Variants in CTNNBL1 observed in about 807,000 individuals in gnomAD.
CTNNBL1 encodes the protein beta-catenin-like protein 1.
A neutral mutation model predicts 72.7 loss-of-function variants in CTNNBL1; 31 were observed. That is an observed-to-expected ratio of 0.43 (90% CI 0.32 to 0.58). CTNNBL1 has a LOEUF of 0.58. Among genes scored for constraint, CTNNBL1 ranks in the 20% least tolerant of loss-of-function variants. The pLI is 0.08. For missense variants in CTNNBL1, 534 were observed against 725.1 expected (o/e 0.74, Z 3.03); for synonymous variants, 240 against 267.3 (o/e 0.90, Z 1.00).
At chr20:37,857,846 C>T (rs1009575854) in intron 13 of CTNNBL1, among the ~76,000 whole-genome samples, 7 of 152,198 alleles carry the variant, frequency 4.6e-5, no homozygotes, top group Middle Eastern at 3.4e-3. Context: ...GGGCTAGTCA[C>T]GCAGAACAAG....
chr20:37,822,559 G>T (rs368577625), intron 11 of CTNNBL1, among the ~76,000 whole-genome samples: 2 of 152,182 alleles, frequency 1.3e-5, no homozygotes, highest in African/African-American at 4.8e-5. Flanking sequence ...GTTCAAAATG[G>T]ACTCTCTGCT....
intron 1 of CTNNBL1, among the ~76,000 whole-genome samples, chr20:37,710,363 T>A (rs550822478): frequency 6.6e-6 from 1 of 152,322 alleles, no homozygotes; most frequent in Admixed American, 6.5e-5. Context: ...TCTAAGGCCT[T>A]TTTTGCCCAT....
In CTNNBL1 at chr20:37,732,921, G is replaced by C; in HGVS notation, c.73G>C (p.Glu25Gln). 6.2e-7 allele frequency: 1 copy of C among 1,613,998 alleles called. No individual in the cohort carries two copies. The highest frequency in any genetic ancestry group is 8.5e-7 in the Non-Finnish European group (1 of 1,180,010). The change falls in exon 2 of 16, where the codon GAG becomes CAG. Residue 25 changes from glutamate (E) to glutamine (Q), a missense_variant. By Grantham distance (29) the Glu-to-Gln change is conservative. Transcript: ENST00000361383. ...TKRPRDDEEE[E>Q]QKMRRKQTGT... ...ACGTCCCCGGGATGATGAAGAGGAGGAGCAGAAGATGCGTCGGAAACAAAC... is the reference window on the plus strand; with the variant it reads ...ACGTCCCCGGGATGATGAAGAGGAGCAGCAGAAGATGCGTCGGAAACAAAC...
chr20:37,737,147 C>T (rs540370726), intron 2 of CTNNBL1, among the ~76,000 whole-genome samples: 1 of 152,258 alleles, frequency 6.6e-6, no homozygotes, highest in Admixed American at 6.5e-5. Flanking sequence ...TCGCTTGAAC[C>T]TGAGAGGCAG....
intron 7 of CTNNBL1, among the ~76,000 whole-genome samples, chr20:37,772,205 C>G (rs987186680): frequency 7.2e-5 from 11 of 152,232 alleles, no homozygotes; most frequent in African/African-American, 2.7e-4. Flanking sequence ...TCTGTACCTC[C>G]TCCCAGCTGT....
At chr20:37,855,699 A>G (rs1458403441) in intron 13 of CTNNBL1, among the ~76,000 whole-genome samples, 1 of 152,108 alleles carries the variant, frequency 6.6e-6, no homozygotes, top group Non-Finnish European at 1.5e-5. Flanking sequence ...GGCTGTTTGC[A>G]TATTCTGATT....
intron 1 of CTNNBL1, among the ~76,000 whole-genome samples, chr20:37,722,313 A>C (rs1041242238): frequency 1.3e-5 from 2 of 151,954 alleles, no homozygotes; most frequent in Non-Finnish European, 2.9e-5. Flanking sequence ...ATCTCTACTG[A>C]AAATACAAAA....
At chr20:37,828,128 C>T (rs1236495101) in intron 11 of CTNNBL1, among the ~76,000 whole-genome samples, 1 of 152,186 alleles carries the variant, frequency 6.6e-6, no homozygotes, top group Non-Finnish European at 1.5e-5. Context: ...TATGATATCA[C>T]ATTCAGCATT....
chr20:37,779,051 T>G, intron 9 of CTNNBL1, 136 bp from the exon 10 acceptor site: 22 of 794,168 alleles, frequency 2.8e-5, no homozygotes, highest in Non-Finnish European at 3.5e-5. Context: ...TGGAAACTGA[T>G]GAGAATTTTG....
chr20:37,763,732 G>T (rs1330905527), intron 5 of CTNNBL1, among the ~76,000 whole-genome samples: 1 of 152,124 alleles, frequency 6.6e-6, no homozygotes, highest in South Asian at 2.1e-4. Context: ...ATTAATGGGG[G>T]ATTATGGGAA....
At chr20:37,734,360 G>A (rs1212942879) in intron 2 of CTNNBL1, among the ~76,000 whole-genome samples, 2 of 152,218 alleles carry the variant, frequency 1.3e-5, no homozygotes. Context: ...AGCCTTGCCA[G>A]GGCTTAGACA....
At chr20:37,756,365 T>C (rs926530187) in intron 4 of CTNNBL1, 1 of 152,086 alleles carries the variant, frequency 6.6e-6, no homozygotes, top group Non-Finnish European at 1.5e-5. Flanking sequence ...TCATGGGCAT[T>C]CAATAAATGC....
At chr20:37,795,335 G>T (rs2073763636) in intron 10 of CTNNBL1, among the ~76,000 whole-genome samples, 1 of 152,054 alleles carries the variant, frequency 6.6e-6, no homozygotes, top group Non-Finnish European at 1.5e-5. Context: ...AATATTTTTA[G>T]TAGAAATACA....
chr20:37,819,169 A>G (rs1012037174), intron 11 of CTNNBL1, among the ~76,000 whole-genome samples: 2 of 152,234 alleles, frequency 1.3e-5, no homozygotes, highest in East Asian at 1.9e-4. Context: ...TTGTGTGTGT[A>G]TGTAAAAATG....
At chr20:37,763,900 AT>A (rs1420673037) in intron 5 of CTNNBL1, among the ~76,000 whole-genome samples, 1 of 152,198 alleles carries the variant, frequency 6.6e-6, no homozygotes, top group Non-Finnish European at 1.5e-5. Flanking sequence ...TGTTCCATCA[AT>A]TTATTTAAAT....
chr20:37,871,707 GGGT>G (rs2072586200), intron 15 of CTNNBL1, among the ~76,000 whole-genome samples: 8 of 152,140 alleles, frequency 5.3e-5, no homozygotes, highest in African/African-American at 1.9e-4. Flanking sequence ...CGGAAGTGAA[GGGT>G]GTGGCTAGGA....
chr20:37,721,354 ATCCTGTTGAC>A (rs2081168680), intron 1 of CTNNBL1, among the ~76,000 whole-genome samples: 4 of 152,222 alleles, frequency 2.6e-5, no homozygotes, highest in Admixed American at 2.6e-4. Flanking sequence ...AAAGCTGGTT[ATCCTGTTGAC>A]TCATTGAATA....
intron 15 of CTNNBL1, among the ~76,000 whole-genome samples, chr20:37,863,093 AAACCC>A (rs1912037089): frequency 6.6e-6 from 1 of 152,224 alleles, no homozygotes; most frequent in Admixed American, 6.5e-5. Context: ...TTGTGGAATG[AAACCC>A]TACCCTTGTA....
chr20:37,718,493 G>A (rs1310605489), intron 1 of CTNNBL1, among the ~76,000 whole-genome samples: 2 of 135,270 alleles, frequency 1.5e-5, no homozygotes, highest in African/African-American at 2.8e-5. Context: ...CAGACGGGGC[G>A]GCTGGCCGGG....
Sources: allele counts gnomAD v4.1 joint callset (sites outside exome capture counted in the v4.1 genomes callset), GRCh38; gene constraint gnomAD v4.1.1; transcripts MANE v1.5; gene names NCBI Gene and HGNC (gene_info 2026-07-23, HGNC 2026-07-21).